Variants in SYNE2 observed in about 807,000 individuals in gnomAD.
The protein encoded by SYNE2 is spectrin repeat containing nuclear envelope protein 2.
In SYNE2, 431 loss-of-function variants were observed where a neutral mutation model predicts 856.3. The observed-to-expected ratio is 0.50, with a 90% CI of 0.47 to 0.55. SYNE2 has a LOEUF of 0.55. Ranked by LOEUF, SYNE2 falls within the 20% of genes least tolerant of loss-of-function variation. The probability of loss-of-function intolerance (pLI) is 0.00; values close to 1 mark genes in which losing one functional copy is unlikely to be tolerated. For synonymous variants in SYNE2, 2,923 were observed against 2,872.3 expected (o/e 1.02, Z -0.56); for missense variants, 8,129 against 8,023.2 (o/e 1.01, Z -0.50).
intron 2 of SYNE2, among the ~76,000 whole-genome samples, chr14:63,924,831 G>GTTTTTTTTTTTT (rs1566813188): frequency 3.3e-5 from 1 of 30,142 alleles, no homozygotes; most frequent in Non-Finnish European, 6.3e-5. Flanking sequence ...TTCCAGCCTT[G>GTTTTTTTTTTTT]GTGTTTTTTT....
At chr14:63,781,408 C>T (rs1275403226) in intron 1 of SYNE2, among the ~76,000 whole-genome samples, 1 of 151,914 alleles carries the variant, frequency 6.6e-6, no homozygotes, top group Non-Finnish European at 1.5e-5. Context: ...AATTAGCAAT[C>T]CTAAAAGTAC....
At chr14:64,086,769 G>C (rs1296553404) in intron 57 of SYNE2, among the ~76,000 whole-genome samples, 1 of 141,982 alleles carries the variant, frequency 7.0e-6, no homozygotes, top group Non-Finnish European at 1.5e-5. Flanking sequence ...GAGTGCAGGG[G>C]TGCAATAATG....
At position 64,044,167 on chromosome 14, in the gene SYNE2, G is replaced by T. The variant is rs374233204; in HGVS notation, c.7222-3833G>T. Among the ~76,000 whole-genome samples the T allele has an allele frequency of 6.6e-4, 100 of 152,344 alleles. 1 individual carries two copies. The highest frequency in any genetic ancestry group is 2.0e-3 in the African/African-American group (85 of 41,578). ...CCTGCAAAGCCACAGGTGCAGAGCTGCCCAAGACCGTGGGAACCTACCCCT... is the reference window on the plus strand; with the variant it reads ...CCTGCAAAGCCACAGGTGCAGAGCTTCCCAAGACCGTGGGAACCTACCCCT... On this transcript the variant is annotated intron_variant, in intron 45 of 115. Coordinates refer to ENST00000555002, the MANE Select transcript of SYNE2 (RefSeq NM_182914.3).
At chr14:64,133,730 T>C (rs961058516) in intron 77 of SYNE2, among the ~76,000 whole-genome samples, 13 of 152,238 alleles carry the variant, frequency 8.5e-5, no homozygotes, top group African/African-American at 2.7e-4. Flanking sequence ...AGAAAGGCTC[T>C]CTTGTGGCTC....
chr14:64,143,925 G>C lies in SYNE2; in HGVS notation c.15460G>C (p.Val5154Leu). The C allele has an allele frequency of 6.2e-7, 1 of 1,614,146 alleles. No individual in the cohort carries two copies. The highest frequency in any genetic ancestry group is 8.5e-7 in the Non-Finnish European group (1 of 1,180,014). ...LGEMNRQWHR[V>L]HGMLNRKIQH... ...GGAGATGAACCGCCAGTGGCACCGT[G>C]TACATGGAATGCTGAATAGAAAGGT... The change falls in exon 83 of 116, where the codon GTA (valine) becomes CTA (leucine). Residue 5154 changes from valine (V) to leucine (L), a missense_variant. Val to Leu is a conservative substitution (Grantham distance 32). Around this residue, in one of 3 missense-constraint regions of SYNE2, gnomAD observed 5,410 missense variants for 5,284.8 expected, o/e 1.02. Coordinates refer to ENST00000555002, the MANE Select transcript of SYNE2 (RefSeq NM_182914.3).
intron 84 of SYNE2, among the ~76,000 whole-genome samples, chr14:64,147,911 C>G (rs899713310): frequency 1.3e-5 from 2 of 152,174 alleles, no homozygotes; most frequent in Non-Finnish European, 2.9e-5. Flanking sequence ...TATAGCCGTT[C>G]AAGTAGGGGT....
At chr14:63,903,660 A>G (rs1434723906) in intron 1 of SYNE2, among the ~76,000 whole-genome samples, 1 of 152,180 alleles carries the variant, frequency 6.6e-6, no homozygotes, top group African/African-American at 2.4e-5. Flanking sequence ...TGAATTCCAC[A>G]TGCCGGTTGA....
chr14:63,845,117 T>G (rs965813902), intron 1 of SYNE2, among the ~76,000 whole-genome samples: 2 of 152,184 alleles, frequency 1.3e-5, no homozygotes, highest in African/African-American at 4.8e-5. Flanking sequence ...CCATTAAATC[T>G]AGGCTTTCAA....
chr14:63,821,226 A>T (rs185102768), intron 1 of SYNE2, among the ~76,000 whole-genome samples: 145 of 152,258 alleles, frequency 9.5e-4, no homozygotes, highest in Non-Finnish European at 1.8e-3. Flanking sequence ...ATATTATAAA[A>T]ATCTTCACAA....
chr14:63,992,539 C>T (rs2096675589), intron 21 of SYNE2, among the ~76,000 whole-genome samples: 1 of 152,172 alleles, frequency 6.6e-6, no homozygotes, highest in Non-Finnish European at 1.5e-5. Context: ...TGTCGGTCTC[C>T]CAAAGTGCTG....
chr14:63,841,370 G>C (rs1890061098), intron 1 of SYNE2, among the ~76,000 whole-genome samples: 1 of 152,160 alleles, frequency 6.6e-6, no homozygotes, highest in African/African-American at 2.4e-5. Context: ...ACTGGAACTG[G>C]AAACAGGAAG....
intron 1 of SYNE2, among the ~76,000 whole-genome samples, chr14:63,883,494 C>T (rs776414549): frequency 2.6e-5 from 4 of 151,370 alleles, no homozygotes; most frequent in Admixed American, 6.6e-5. Context: ...TCTGGGACTA[C>T]GTGCACCTCC....
chr14:64,065,470 A>T lies in SYNE2; in HGVS notation c.10251A>T (p.Leu3417Phe). Reference sequence around the variant, plus strand: ...ATCTTATATCAACCAAAGAAGAGTTAATGAAACTACGACAGATCCTTAGAC... The same window carrying T: ...ATCTTATATCAACCAAAGAAGAGTTTATGAAACTACGACAGATCCTTAGAC... ...VSNLISTKEE[L>F]MKLRQILRLL... The change falls in exon 51 of 116, where the codon TTA (leucine) becomes TTT (phenylalanine). Residue 3417 changes from leucine (L) to phenylalanine (F), a missense_variant. Around this residue, in one of 3 missense-constraint regions of SYNE2, gnomAD observed 5,410 missense variants for 5,284.8 expected, o/e 1.02. Transcript: ENST00000555002. The T allele has an allele frequency of 6.2e-7, 1 of 1,614,198 alleles. No homozygotes were observed. The highest frequency in any genetic ancestry group is 8.5e-7 in the Non-Finnish European group (1 of 1,180,046).
chr14:63,813,988 G>A (rs1428483298), intron 1 of SYNE2, among the ~76,000 whole-genome samples: 1 of 151,850 alleles, frequency 6.6e-6, no homozygotes, highest in Non-Finnish European at 1.5e-5. Context: ...AACCCAGGAG[G>A]CAGAGGTTGC....
intron 57 of SYNE2, chr14:64,084,914 A>G (rs1450734296): frequency 7.1e-6 from 5 of 701,226 alleles, no homozygotes; most frequent in African/African-American, 1.7e-5. Context: ...TCTGCTTCCA[A>G]GCTCATTCCC....
chr14:64,223,505 C>T, intron 113 of SYNE2, 125 bp downstream of exon 113: 3 of 974,754 alleles, frequency 3.1e-6, no homozygotes, highest in Non-Finnish European at 4.7e-6. Context: ...AGTGGGGCCT[C>T]ATGTCGTGCC....
intron 3 of SYNE2, among the ~76,000 whole-genome samples, 181 bp from the exon 4 acceptor site, chr14:63,941,514 T>C (rs1420318009): frequency 6.6e-6 from 1 of 152,332 alleles, no homozygotes; most frequent in East Asian, 1.9e-4. Flanking sequence ...ATAAGATAAA[T>C]TAAATTCGCT....
chr14:63,911,660 T>C (rs2095475538), intron 2 of SYNE2, among the ~76,000 whole-genome samples: 1 of 152,186 alleles, frequency 6.6e-6, no homozygotes, highest in South Asian at 2.1e-4. Flanking sequence ...TACCATACCC[T>C]CTTTGTTACA....
chr14:64,211,610 G>A lies in SYNE2; in HGVS notation c.18724-351G>A, dbSNP rs566338751. Reference sequence around the variant, plus strand: ...GAAGGCCTGGCCTGGCCCCTCAGGGGGCTCTTCAAAGGACAGAGGAAAATC... The same window carrying A: ...GAAGGCCTGGCCTGGCCCCTCAGGGAGCTCTTCAAAGGACAGAGGAAAATC... On this transcript the variant is annotated intron_variant, in intron 103 of 115. Transcript: ENST00000555002. 2.0e-5 allele frequency among the ~76,000 whole-genome samples: 3 copies of A among 152,342 alleles called. No individual in the cohort carries two copies. The South Asian group carries it at 6.2e-4, about 32-fold the overall frequency.
Sources: gnomAD v4.1 joint callset for allele counts (sites outside exome capture counted in the v4.1 genomes callset) on GRCh38, gnomAD v4.1.1 for gene constraint, gnomAD v4.1.1 regional missense constraint, MANE v1.5 for transcripts, NCBI Gene and HGNC (gene_info 2026-07-23, HGNC 2026-07-21) for gene names.